The following DMD variants were observed in gnomAD, a reference collection of about 807,000 sequenced individuals.
DMD encodes the protein mutant dystrophin.
In DMD, 63 loss-of-function variants were observed where a neutral mutation model predicts 330.1. The observed-to-expected ratio is 0.19, with a 90% CI of 0.16 to 0.24. DMD has a LOEUF of 0.24. DMD is among the 10% of genes least tolerant of loss of function. The probability of loss-of-function intolerance (pLI) is 1.00; values close to 1 mark genes in which losing one functional copy is unlikely to be tolerated. For missense variants in DMD, 3,344 were observed against 2,684.1 expected, an observed-to-expected ratio of 1.25 and a Z score of -5.43; for synonymous variants, 1,223 against 959.8, an observed-to-expected ratio of 1.27 and a Z score of -5.07.
At chrX:31,329,743 T>G (rs1454122726) in intron 61 of DMD, among the ~76,000 whole-genome samples, 3 of 109,474 alleles carry the variant, frequency 2.7e-5, no homozygotes, top group African/African-American at 1.0e-4. Flanking sequence ...GAGGCCAAGG[T>G]GAGCAGATCA....
intron 43 of DMD, among the ~76,000 whole-genome samples, chrX:32,238,344 C>T (rs147364183): frequency 7.2e-4 from 80 of 110,881 alleles, no homozygotes; most frequent in Non-Finnish European, 1.2e-3. Flanking sequence ...CACTTCTAAG[C>T]TCATTCTTGT....
chrX:32,564,811 T>A (rs1002504750), intron 16 of DMD, among the ~76,000 whole-genome samples: 2 of 111,487 alleles, frequency 1.8e-5, no homozygotes, highest in South Asian at 7.6e-4. Flanking sequence ...AGATGTCAGG[T>A]CTCAAGAAAA....
chrX:32,488,522 C>A (rs768507357), intron 20 of DMD, among the ~76,000 whole-genome samples: 1 of 111,701 alleles, frequency 9.0e-6, no homozygotes, highest in Admixed American at 9.5e-5. Flanking sequence ...CTCAGCAGAA[C>A]AGTATATATA....
intron 27 of DMD, among the ~76,000 whole-genome samples, chrX:32,442,127 TATCTTAAGTAAGAC>T (rs1218415030): frequency 9.0e-6 from 1 of 110,931 alleles, no homozygotes; most frequent in African/African-American, 3.3e-5. Flanking sequence ...TAGAGAAGAA[TATCTTAAGTAAGAC>T]ATCTCGTAAA....
At chrX:32,621,788 C>T (rs753138477) in intron 11 of DMD, among the ~76,000 whole-genome samples, 5 of 110,819 alleles carry the variant, frequency 4.5e-5, no homozygotes, top group Non-Finnish European at 9.4e-5. Context: ...CTTTTTCTCT[C>T]TTCATTAGTG....
chrX:32,019,903 T>C (rs962850733), intron 44 of DMD, among the ~76,000 whole-genome samples: 2 of 112,795 alleles, frequency 1.8e-5, no homozygotes, highest in African/African-American at 6.4e-5. Context: ...AATTCTTAAA[T>C]TGTGAGGATT....
chrX:33,076,345 T>C (rs929678065), intron 1 of DMD, among the ~76,000 whole-genome samples: 2 of 111,859 alleles, frequency 1.8e-5, no homozygotes, highest in East Asian at 2.8e-4. Context: ...TCTTTCTCTA[T>C]TGCAATTTCC....
intron 54 of DMD, among the ~76,000 whole-genome samples, chrX:31,637,838 T>C (rs904951045): frequency 8.9e-6 from 1 of 111,960 alleles, no homozygotes; most frequent in African/African-American, 3.2e-5. Context: ...ATCTTTGTTA[T>C]AAAAAACTAT....
chrX:31,147,529 CA>C lies in DMD; in HGVS notation c.10554-12del. ...TCTGCTTGCAGATTCCTATTGGCAT[CA>C]AAAAAGTAAAAAAGAAAAAAAAAGA... On this transcript the variant is annotated splice_polypyrimidine_tract_variant and intron_variant, in intron 74 of 78. Coordinates refer to ENST00000357033, the MANE Select transcript of DMD (RefSeq NM_004006.3). 1 of 1,081,318 alleles carries C rather than the reference CA, an allele frequency of 9.2e-7. No individual in the cohort carries two copies. The highest frequency in any genetic ancestry group is 1.2e-6 in the Non-Finnish European group (1 of 819,279). 89.1% of individuals were successfully genotyped at this position (1,081,318 alleles called of 1,213,427 possible). A position where few individuals can be genotyped will look rare whatever the true frequency, so the allele number is the denominator to read the frequency against.
chrX:31,158,647 C>A (rs1032861637), intron 74 of DMD, among the ~76,000 whole-genome samples: 5 of 111,631 alleles, frequency 4.5e-5, no homozygotes, highest in African/African-American at 1.6e-4. Flanking sequence ...TCCTATGGTA[C>A]GAGAATTATA....
intron 45 of DMD, among the ~76,000 whole-genome samples, chrX:31,963,686 A>G (rs1032562961): frequency 9.0e-6 from 1 of 110,757 alleles, no homozygotes; most frequent in African/African-American, 3.3e-5. Context: ...GGGACAATTG[A>G]GCAGGAAGCT....
chrX:31,775,910 CAGAG>C (rs759647034), intron 50 of DMD, among the ~76,000 whole-genome samples: 1 of 111,305 alleles, frequency 9.0e-6, no homozygotes, highest in South Asian at 3.8e-4. Flanking sequence ...TTTTAATTGT[CAGAG>C]AGAATAAAAA....
At chrX:32,413,777 G>C (rs1046640188) in intron 29 of DMD, among the ~76,000 whole-genome samples, 2 of 98,924 alleles carry the variant, frequency 2.0e-5, no homozygotes, top group Non-Finnish European at 4.0e-5. Flanking sequence ...CTGGAGTGCA[G>C]TGGCACAATC....
At chrX:32,130,674 C>T (rs1405564580) in intron 44 of DMD, among the ~76,000 whole-genome samples, 1 of 111,649 alleles carries the variant, frequency 9.0e-6, no homozygotes, top group Non-Finnish European at 1.9e-5. Context: ...GCTAAGTTGA[C>T]TATGCAATTG....
chrX:31,511,257 T>TATAATATAATATAATATAATATAAC (rs1569548323), intron 55 of DMD, among the ~76,000 whole-genome samples: 2 of 108,521 alleles, frequency 1.8e-5, no homozygotes, highest in African/African-American at 6.7e-5. Flanking sequence ...TATAATATAA[T>TATAATATAATATAATATAATATAAC]ATAACATAAC....
intron 59 of DMD, among the ~76,000 whole-genome samples, chrX:31,447,596 T>G (rs2065380797): frequency 9.0e-6 from 1 of 111,678 alleles, no homozygotes; most frequent in African/African-American, 3.3e-5. Context: ...AGAAAAAAGT[T>G]ATTATTTCTA....
intron 54 of DMD, among the ~76,000 whole-genome samples, chrX:31,634,909 C>A (rs1489675160): frequency 9.0e-6 from 1 of 111,556 alleles, no homozygotes; most frequent in African/African-American, 3.2e-5. Flanking sequence ...AGATGAAATA[C>A]ACGTCTCTAT....
intron 22 of DMD, among the ~76,000 whole-genome samples, chrX:32,470,313 T>C (rs2040492060): frequency 1.8e-5 from 2 of 111,539 alleles, no homozygotes; most frequent in African/African-American, 6.5e-5. Flanking sequence ...ATTGTTTCCA[T>C]CGATTTTTAT....
intron 7 of DMD, among the ~76,000 whole-genome samples, chrX:32,712,015 A>T (rs1197954742): frequency 8.9e-6 from 1 of 112,145 alleles, no homozygotes; most frequent in Non-Finnish European, 1.9e-5. Context: ...CAAGTAAGGC[A>T]TTTAGAGCAA....
Sources: gnomAD v4.1 joint callset for allele counts (sites outside exome capture counted in the v4.1 genomes callset) on GRCh38, gnomAD v4.1.1 for gene constraint, MANE v1.5 for transcripts, NCBI Gene and HGNC (gene_info 2026-07-23, HGNC 2026-07-21) for gene names.